The following SYN3 variants were observed in gnomAD, a reference collection of about 807,000 sequenced individuals.
SYN3 encodes the protein synapsin-3.
Under a neutral mutation model 65.8 loss-of-function variants are expected in SYN3, and 35 were observed. The observed-to-expected ratio is 0.53, with a 90% CI of 0.41 to 0.70. SYN3 has a LOEUF of 0.70. SYN3 is among the 30% of genes least tolerant of loss of function. SYN3 has a pLI of 0.00. For missense variants in SYN3, 680 were observed against 749.0 expected (o/e 0.91, Z 1.08); for synonymous variants, 270 against 292.9 (o/e 0.92, Z 0.80).
chr22:32,631,424 C>T (rs1339981166), intron 6 of SYN3, among the ~76,000 whole-genome samples: 1 of 152,042 alleles, frequency 6.6e-6, no homozygotes, highest in Non-Finnish European at 1.5e-5. Context: ...TCATTGAGCA[C>T]ATCCTCTGTA....
At chr22:32,947,267 C>T (rs1569348047) in intron 3 of SYN3, among the ~76,000 whole-genome samples, 1 of 151,496 alleles carries the variant, frequency 6.6e-6, no homozygotes, top group Non-Finnish European at 1.5e-5. Flanking sequence ...CCAATGTCCC[C>T]TAACTGTCAT....
intron 6 of SYN3, among the ~76,000 whole-genome samples, chr22:32,629,295 C>T (rs1569105739): frequency 6.6e-6 from 1 of 152,194 alleles, no homozygotes; most frequent in Non-Finnish European, 1.5e-5. Context: ...AAGAAAATCA[C>T]ATCTAGATCT....
In SYN3 at chr22:32,518,103, C is replaced by T. The variant is rs141718306; in HGVS notation, c.1550G>A (p.Arg517His). The T allele has an allele frequency of 3.7e-5, 59 of 1,573,558 alleles. No individual in the cohort carries two copies. Among genetic ancestry groups the T allele is most frequent in the East Asian group, 2.5e-4 (11 of 44,546 alleles). ...ASQPRPPVQG[R>H]STSQQGEESK... is the part of the protein sequence containing the mutation. ...CTCTTCACCCTGCTGGGAGGTACTA[C>T]GGCCCTGCACAGGGGGCCGGGGCTG... Residue 517 changes from arginine to histidine, a missense_variant, in exon 13 of 14, where the codon CGT becomes CAT. By Grantham distance (29) the Arg-to-His change is conservative. Coordinates refer to ENST00000358763, the MANE Select transcript of SYN3 (RefSeq NM_003490.4).
chr22:32,662,792 T>C (rs2060233661), intron 6 of SYN3, among the ~76,000 whole-genome samples: 2 of 152,228 alleles, frequency 1.3e-5, no homozygotes, highest in African/African-American at 4.8e-5. Flanking sequence ...ACTTAAAATA[T>C]TTACTGACCA....
At chr22:32,584,198 G>C (rs142423449) in intron 7 of SYN3, 41 of 152,288 alleles carry the variant, frequency 2.7e-4, no homozygotes, top group African/African-American at 8.9e-4. Flanking sequence ...CTCTTTCTTT[G>C]CTGCAATCCC....
intron 7 of SYN3, among the ~76,000 whole-genome samples, chr22:32,590,590 T>C (rs1189227379): frequency 6.6e-6 from 1 of 152,246 alleles, no homozygotes; most frequent in Non-Finnish European, 1.5e-5. Flanking sequence ...CAAGCTATAT[T>C]CCGAAGTGGT....
intron 6 of SYN3, among the ~76,000 whole-genome samples, chr22:32,842,668 T>A (rs996689450): frequency 1.3e-5 from 2 of 152,230 alleles, no homozygotes; most frequent in Admixed American, 1.3e-4. Flanking sequence ...TCAATCTAAT[T>A]AACTTCAAAC....
At chr22:33,050,498 A>C (rs1385243672) in intron 1 of SYN3, among the ~76,000 whole-genome samples, 3 of 144,670 alleles carry the variant, frequency 2.1e-5, no homozygotes, top group East Asian at 2.0e-4. Context: ...AAAAAAAAAA[A>C]ACAAAACAAA....
intron 1 of SYN3, among the ~76,000 whole-genome samples, chr22:33,034,994 A>G (rs1056306552): frequency 3.9e-5 from 6 of 152,104 alleles, no homozygotes; most frequent in Admixed American, 6.6e-5. Flanking sequence ...TGGGAGCCCA[A>G]TCTGGTCACT....
intron 1 of SYN3, among the ~76,000 whole-genome samples, chr22:33,032,210 TAAA>T (rs35196379): frequency 1.5e-5 from 2 of 135,164 alleles, no homozygotes; most frequent in Admixed American, 7.4e-5. Flanking sequence ...GCTCTGTCTT[TAAA>T]AAAAAAAAAA....
rs1361116733 is a variant in SYN3, at chr22:32,520,301, TCTGC to T, written c.1319-1971_1319-1968del. On this transcript the variant is annotated intron_variant, in intron 12 of 13. Transcript: ENST00000358763. The stretch of plus-strand genomic sequence containing the variant: ...TACAGGCCCAACACCACTTTTTCTT[TCTGC>T]CTTTTTTTTTTTGTAGAGATGGGGT... Among the ~76,000 whole-genome samples the T allele has an allele frequency of 1.1e-4, 17 of 151,108 alleles. 1 individual carries two copies. The highest frequency in any genetic ancestry group is 2.9e-4 in the African/African-American group (12 of 41,108).
intron 4 of SYN3, among the ~76,000 whole-genome samples, chr22:32,884,422 T>G (rs1485706121): frequency 6.6e-6 from 1 of 152,190 alleles, no homozygotes; most frequent in Non-Finnish European, 1.5e-5. Context: ...AAAAAGAGAA[T>G]GGTAACAATA....
intron 4 of SYN3, among the ~76,000 whole-genome samples, chr22:32,895,044 T>G (rs2146495434): frequency 6.6e-6 from 1 of 152,332 alleles, no homozygotes; most frequent in Middle Eastern, 3.4e-3. Context: ...ACATCTCAGC[T>G]GATATGAGTG....
rs1046856247 is a variant in SYN3 at position 33,040,151 on chromosome 22, T to C, written c.-163+18141A>G. Among the ~76,000 whole-genome samples the C allele has an allele frequency of 5.3e-5, 6 of 113,624 alleles. 1 individual carries two copies. Among genetic ancestry groups the C allele is most frequent in the Admixed American group, 4.2e-4 (5 of 11,808 alleles). 74.5% of individuals were successfully genotyped at this position (113,624 alleles called of 152,430 possible). A position where few individuals can be genotyped will look rare whatever the true frequency, so the allele number is the denominator to read the frequency against. On this transcript the variant is annotated intron_variant, in intron 1 of 13. Transcript: ENST00000358763. ...TAATTTTTTTTGTATTTTTAATATA[T>C]ATTTTTTGTATTTTTAATAGAGATT...
At chr22:32,579,747 T>G (rs1425613291) in intron 7 of SYN3, among the ~76,000 whole-genome samples, 1 of 151,924 alleles carries the variant, frequency 6.6e-6, no homozygotes, top group Non-Finnish European at 1.5e-5. Flanking sequence ...GAAGGGGTGG[T>G]GGGAAGGTGA....
At chr22:32,985,020 A>G (rs1055223932) in intron 2 of SYN3, among the ~76,000 whole-genome samples, 2 of 152,198 alleles carry the variant, frequency 1.3e-5, no homozygotes, top group Non-Finnish European at 2.9e-5. Flanking sequence ...AAGGCAGTAA[A>G]GTGCAATGGC....
At chr22:32,766,215 G>C (rs2045621879) in intron 6 of SYN3, among the ~76,000 whole-genome samples, 1 of 152,132 alleles carries the variant, frequency 6.6e-6, no homozygotes, top group Non-Finnish European at 1.5e-5. Context: ...GGTGGAAGTG[G>C]GTATGTGCTG....
intron 12 of SYN3, chr22:32,519,494 G>A (rs1464794921): frequency 6.6e-6 from 1 of 152,172 alleles, no homozygotes; most frequent in East Asian, 1.9e-4. Flanking sequence ...CATAGAGGTG[G>A]AGACTGAGTC....
intron 6 of SYN3, among the ~76,000 whole-genome samples, chr22:32,717,387 C>A (rs1246697160): frequency 6.6e-6 from 1 of 152,204 alleles, no homozygotes; most frequent in African/African-American, 2.4e-5. Flanking sequence ...CAATCTCTCC[C>A]ATATCGGGTG....
Sources: allele counts gnomAD v4.1 joint callset (sites outside exome capture counted in the v4.1 genomes callset), GRCh38; gene constraint gnomAD v4.1.1; transcripts MANE v1.5; gene names NCBI Gene and HGNC (gene_info 2026-07-23, HGNC 2026-07-21).